Variants in HSPG2 observed in about 807,000 individuals in gnomAD.
HSPG2 encodes the protein heparan sulfate proteoglycan 2, also known as basement membrane-specific heparan sulfate proteoglycan core protein.
A neutral mutation model predicts 526.6 loss-of-function variants in HSPG2; 278 were observed. The ratio of observed to expected loss-of-function variants is 0.53; its 90% CI spans 0.48 to 0.58. The LOEUF (loss-of-function observed/expected upper bound fraction) is 0.58, where lower values mean the gene tolerates loss of function less well. HSPG2 is among the 20% of genes least tolerant of loss of function. HSPG2 has a pLI of 0.00. For synonymous variants in HSPG2, 2,465 were observed against 2,555.4 expected (o/e 0.96, Z 1.07); for missense variants, 5,354 against 6,099.5 (o/e 0.88, Z 4.07).
Position 21,859,553 on chromosome 1 carries a change from C to T in HSPG2, c.5293+13G>A, listed in dbSNP as rs767725810. On this transcript the variant is annotated intron_variant, in intron 42 of 96. Coordinates refer to ENST00000374695, the MANE Select transcript of HSPG2 (RefSeq NM_005529.7). This position sits in a 1 kb window ranked among gnomAD's most constrained non-coding sequence, Gnocchi z 5.3. ...GACAGGCAGTCTTGGTTACAGGGGG[C>T]GTAGGGACTCACCAGTGACCAGCAG... The T allele has an allele frequency of 1.9e-6, 3 of 1,561,794 alleles. No individual in the cohort carries two copies. The highest frequency in any genetic ancestry group is 1.2e-5 in the South Asian group (1 of 85,638).
chr1:21,841,599 G>A lies in HSPG2; in HGVS notation c.9268C>T (p.Arg3090Cys), dbSNP rs767006310. The A allele has an allele frequency of 2.7e-5, 43 of 1,614,054 alleles. No individual in the cohort carries two copies. The highest frequency in any genetic ancestry group is 1.7e-4 in the African/African-American group (13 of 74,938). Residue 3090 changes from arginine (R) to cysteine (C), a missense_variant, in exon 70 of 97, where the codon CGC (arginine) becomes TGC (cysteine). By Grantham distance (180) the Arg-to-Cys change is radical. Transcript: ENST00000374695. ...GTRPSNHGTY[R>C]CVASNAYGVA... ...CCGTAGGCATTGGAGGCCACGCAGCGGTAGGTACCGTGGTTGCTGGGCCGG... is the reference window on the plus strand; with the variant it reads ...CCGTAGGCATTGGAGGCCACGCAGCAGTAGGTACCGTGGTTGCTGGGCCGG...
intron 1 of HSPG2, among the ~76,000 whole-genome samples, chr1:21,909,005 G>C (rs1031656696): frequency 6.6e-6 from 1 of 152,250 alleles, no homozygotes; most frequent in African/African-American, 2.4e-5. Flanking sequence ...CTACTTGGGA[G>C]GCTGAGGCAG....
Position 21,874,765 on chromosome 1 carries a change from G to A in HSPG2, c.3415-36C>T, listed in dbSNP as rs368237386. Reference sequence around the variant, plus strand: ...AAAGATGGCAGTGGGAGGGACTTCCGAACACGGCCCATTCAGGTAGGGGCA... The same window carrying A: ...AAAGATGGCAGTGGGAGGGACTTCCAAACACGGCCCATTCAGGTAGGGGCA... On this transcript the variant is annotated intron_variant, in intron 26 of 96. Transcript: ENST00000374695. The A allele has an allele frequency of 1.5e-4, 236 of 1,551,050 alleles. 1 individual carries two copies. The African/African-American group carries it at 1.9e-3, about 13-fold the overall frequency.
Position 21,824,619 on chromosome 1 carries a change from C to T in HSPG2, c.12666-4G>A, listed in dbSNP as rs575126803. ...GGTCTCGGGCACCTCGGGCAGGCTGCGGAGGAAGAGCGGGTGAGGGGACAG... is the reference window on the plus strand; with the variant it reads ...GGTCTCGGGCACCTCGGGCAGGCTGTGGAGGAAGAGCGGGTGAGGGGACAG... On this transcript the variant is annotated splice_region_variant and splice_polypyrimidine_tract_variant and intron_variant, in intron 92 of 96. Coordinates refer to ENST00000374695, the MANE Select transcript of HSPG2 (RefSeq NM_005529.7). The surrounding 1 kb of genome is among the most constrained non-coding windows in gnomAD (Gnocchi z 5.9). The T allele has an allele frequency of 2.5e-5, 40 of 1,613,998 alleles. 1 individual carries two copies. The East Asian group carries it at 7.6e-4, about 31-fold the overall frequency.
At chr1:21,832,424 CCA>C in intron 81 of HSPG2, 69 bp downstream of exon 81, 1 of 1,265,488 alleles carries the variant, frequency 7.9e-7, no homozygotes, top group Non-Finnish European at 1.2e-6. Context: ...ATAATGGAGC[CCA>C]GGGTAGCACT....
chr1:21,916,960 T>C (rs1643900730), intron 1 of HSPG2, among the ~76,000 whole-genome samples: 1 of 152,174 alleles, frequency 6.6e-6, no homozygotes, highest in Admixed American at 6.5e-5. Flanking sequence ...ATGGTTATTG[T>C]CAAGGCTGGA....
rs142235298 is a variant in HSPG2, at chr1:21,828,407, C to T, written c.12257G>A (p.Arg4086Gln). 80 of 1,613,572 alleles carry T rather than the reference C, an allele frequency of 5.0e-5. No homozygotes were observed. In the African/African-American group the frequency reaches 6.9e-4, roughly 14 times the overall value. ...CVGEVSVNGK[R>Q]LDLTYSFLGS... The stretch of plus-strand genomic sequence containing the variant: ...TAGGAAACTGTAGGTGAGGTCCAGC[C>T]GTTTGCCATTCACTGACACCTGTGG... The change falls in exon 89 of 97, where the codon CGG (arginine) becomes CAG (glutamine). Residue 4086 changes from arginine to glutamine, a missense_variant. By Grantham distance (43) the Arg-to-Gln change is conservative. Coordinates refer to ENST00000374695, the MANE Select transcript of HSPG2 (RefSeq NM_005529.7). The surrounding 1 kb of genome is among the most constrained non-coding windows in gnomAD (Gnocchi z 6.0).
chr1:21,890,407 C>A lies in HSPG2; in HGVS notation c.413+20G>T, dbSNP rs951039557. 1 of 1,612,826 alleles carries A rather than the reference C, an allele frequency of 6.2e-7. No individual in the cohort carries two copies. The highest frequency in any genetic ancestry group is 1.1e-5 in the South Asian group (1 of 91,038). On this transcript the variant is annotated intron_variant, in intron 5 of 96. Transcript: ENST00000374695. This position sits in a 1 kb window ranked among gnomAD's most constrained non-coding sequence, Gnocchi z 4.1. The stretch of plus-strand genomic sequence containing the variant: ...TACCCGCTCAAGTCCCCCAGCAGCC[C>A]CCAGGGAGCCCCTTCTCACTTGATG...
In HSPG2 at chr1:21,872,834, C is replaced by T; in HGVS notation, c.3889-74G>A. On this transcript the variant is annotated intron_variant, in intron 31 of 96. Transcript: ENST00000374695. The surrounding 1 kb of genome is among the most constrained non-coding windows in gnomAD (Gnocchi z 5.5). Reference sequence around the variant, plus strand: ...TGCACCCCCAGCAGCCTGAGGCCAGCCTCCCTGGCCACTTCCAGCAGCCCC... The same window carrying T: ...TGCACCCCCAGCAGCCTGAGGCCAGTCTCCCTGGCCACTTCCAGCAGCCCC... 6.4e-7 allele frequency: 1 copy of T among 1,565,974 alleles called. No individual in the cohort carries two copies. The highest frequency in any genetic ancestry group is 8.7e-7 in the Non-Finnish European group (1 of 1,148,832).
chr1:21,888,108 G>A, intron 6 of HSPG2, 42 bp from the exon 7 acceptor site: 1 of 1,612,048 alleles, frequency 6.2e-7, no homozygotes, highest in Non-Finnish European at 8.5e-7. Flanking sequence ...GAGGCGGCAG[G>A]AGGCAGGTGC....
At position 21,839,424 on chromosome 1, in the gene HSPG2, T is replaced by C. The variant is rs368694894; in HGVS notation, c.9836A>G (p.Asn3279Ser). Residue 3279 changes from asparagine to serine, a missense_variant, in exon 73 of 97, where the codon AAT becomes AGT. By Grantham distance (46) the Asn-to-Ser change is conservative. Transcript: ENST00000374695. The surrounding 1 kb of genome is among the most constrained non-coding windows in gnomAD (Gnocchi z 4.5). ...AGCGTGCCCAGCAGGGCTAGTGGCA[T>C]TGCAGATGTACTGGCCCGAGTCCTG... ...AQQDSGQYICNATSPAGHAEA... is the reference protein window; with the variant it reads ...AQQDSGQYICSATSPAGHAEA... 5.6e-6 allele frequency: 9 copies of C among 1,613,870 alleles called. No individual in the cohort carries two copies. The African/African-American group carries it at 9.3e-5, about 17-fold the overall frequency.
chr1:21,863,969 C>A (rs1640026457), intron 37 of HSPG2, 131 bp downstream of exon 37: 2 of 740,192 alleles, frequency 2.7e-6, no homozygotes, highest in African/African-American at 1.7e-5. Context: ...CCTGCTGACC[C>A]AGGTGCTTTG....
chr1:21,856,196 ACAGCCC>A (rs1223625297), intron 44 of HSPG2, among the ~76,000 whole-genome samples: 2 of 152,088 alleles, frequency 1.3e-5, no homozygotes, highest in East Asian at 3.9e-4. Context: ...CCTCCCTCCC[ACAGCCC>A]CAGCCACGTG....
Position 21,872,170 on chromosome 1 carries a change from C to T in HSPG2, c.4221+16G>A, listed in dbSNP as rs1053998183. On this transcript the variant is annotated intron_variant, in intron 33 of 96. Coordinates refer to ENST00000374695, the MANE Select transcript of HSPG2 (RefSeq NM_005529.7). This position sits in a 1 kb window ranked among gnomAD's most constrained non-coding sequence, Gnocchi z 5.5. ...GTCTGAGTCACGGCTGACCCTGGTG[C>T]TTGGCTGGGGCCCACCTTGTCTCCC... 2 of 1,551,520 alleles carry T rather than the reference C, an allele frequency of 1.3e-6. No homozygotes were observed. Among genetic ancestry groups the T allele is most frequent in the African/African-American group, 2.7e-5 (2 of 73,196 alleles).
Position 21,885,270 on chromosome 1 carries a change from C to G in HSPG2, c.1210+50G>C, listed in dbSNP as rs193051673. 11 of 1,613,024 alleles carry G rather than the reference C, an allele frequency of 6.8e-6. No individual in the cohort carries two copies. The East Asian group carries it at 2.2e-4, about 33-fold the overall frequency. Reference sequence around the variant, plus strand: ...TGGAGGCTGAGGCTGTGGACAGAACCCCTAGAACCCAGCCCAGGGCCCGCA... The same window carrying G: ...TGGAGGCTGAGGCTGTGGACAGAACGCCTAGAACCCAGCCCAGGGCCCGCA... On this transcript the variant is annotated intron_variant, in intron 10 of 96. Coordinates refer to ENST00000374695, the MANE Select transcript of HSPG2 (RefSeq NM_005529.7).
intron 39 of HSPG2, among the ~76,000 whole-genome samples, chr1:21,860,717 C>T (rs189675122): frequency 1.7e-4 from 26 of 152,232 alleles, no homozygotes; most frequent in Admixed American, 5.2e-4. Context: ...GATCTCCTGA[C>T]CTCATGATCC....
At chr1:21,883,236 G>A (rs1051723587) in intron 13 of HSPG2, among the ~76,000 whole-genome samples, 2 of 152,232 alleles carry the variant, frequency 1.3e-5, no homozygotes, top group African/African-American at 4.8e-5. Context: ...TCAAGCCACA[G>A]GGCCAACTGC....
intron 1 of HSPG2, among the ~76,000 whole-genome samples, chr1:21,902,924 A>C (rs1309846060): frequency 6.6e-6 from 1 of 152,200 alleles, no homozygotes; most frequent in Admixed American, 6.5e-5. Flanking sequence ...ATCTCAGTCC[A>C]TGTGAACAAC....
chr1:21,822,418 CCTCT>C lies in HSPG2; in HGVS notation c.*894_*897del, dbSNP rs1484871123. The stretch of plus-strand genomic sequence containing the variant: ...TGGGGCAGGGTGGTCATATCCCCCT[CCTCT>C]CTCTCTCAGTCGTGAGTCCTGCCTT... On this transcript the variant is annotated 3_prime_UTR_variant, in exon 97 of 97. Transcript: ENST00000374695. 16 of 602,792 alleles carry C rather than the reference CCTCT, an allele frequency of 2.7e-5. No homozygotes were observed. The highest frequency in any genetic ancestry group is 1.2e-5 in the Non-Finnish European group (4 of 336,188). The allele number at this position is 602,792 out of a possible 1,614,324, so 37.3% of individuals were successfully genotyped here.
Sources: gnomAD v4.1 joint callset for allele counts (sites outside exome capture counted in the v4.1 genomes callset) on GRCh38, gnomAD v4.1.1 for gene constraint, Gnocchi (gnomAD v3.1) non-coding constraint, MANE v1.5 for transcripts, NCBI Gene and HGNC (gene_info 2026-07-23, HGNC 2026-07-21) for gene names.